The following CLMP variants were observed in gnomAD, a reference collection of about 807,000 sequenced individuals.
The protein encoded by CLMP is CXADR like cell adhesion molecule.
CLMP carries 27 observed loss-of-function variants against 45.2 expected under a neutral mutation model. The ratio of observed to expected loss-of-function variants is 0.60; its 90% CI spans 0.44 to 0.82. The LOEUF is 0.82. CLMP is among the 40% of genes least tolerant of loss of function. The pLI is 0.00. For synonymous variants in CLMP, 167 were observed against 171.4 expected (o/e 0.97, Z 0.20); for missense variants, 403 against 448.4 (o/e 0.90, Z 0.91).
At chr11:123,111,535 A>G (rs1348559751) in intron 1 of CLMP, among the ~76,000 whole-genome samples, 2 of 152,218 alleles carry the variant, frequency 1.3e-5, no homozygotes, top group Non-Finnish European at 2.9e-5. Flanking sequence ...GGCCCATCCA[A>G]CTACAGCATT....
intron 2 of CLMP, among the ~76,000 whole-genome samples, chr11:123,096,574 C>T (rs956381723): frequency 6.6e-6 from 1 of 152,054 alleles, no homozygotes; most frequent in African/African-American, 2.4e-5. Context: ...AAAGTGACCT[C>T]GCTCTACAGA....
At chr11:123,129,602 AAT>A (rs1035426319) in intron 1 of CLMP, among the ~76,000 whole-genome samples, 7 of 141,118 alleles carry the variant, frequency 5.0e-5, no homozygotes, top group South Asian at 2.1e-4. Context: ...TATAGTATAT[AAT>A]ATATATTATA....
intron 3 of CLMP, 26 bp from the exon 4 acceptor site, chr11:123,083,873 G>A (rs1159129005): frequency 6.2e-7 from 1 of 1,609,356 alleles, no homozygotes; most frequent in Non-Finnish European, 8.5e-7. Flanking sequence ...ACAAGCAAAA[G>A]TGTAGTGATT....
At chr11:123,148,417 A>G (rs1268769455) in intron 1 of CLMP, among the ~76,000 whole-genome samples, 2 of 152,242 alleles carry the variant, frequency 1.3e-5, no homozygotes, top group African/African-American at 4.8e-5. Flanking sequence ...GCATGCAAGA[A>G]TGTACCTGCC....
intron 2 of CLMP, among the ~76,000 whole-genome samples, chr11:123,089,778 AAAAAAAAAAAAAAAAG>A (rs1865906974): frequency 9.0e-6 from 1 of 111,352 alleles, no homozygotes; most frequent in South Asian, 3.5e-4. Context: ...CTCCATCTCA[AAAAAAAAAAAAAAAAG>A]AAAAAGAAAA....
chr11:123,139,946 G>T (rs4936778), intron 1 of CLMP, among the ~76,000 whole-genome samples: 53,067 of 152,092 alleles, frequency 0.35, 10,103 homozygotes, highest in African/African-American at 0.5. Flanking sequence ...GGTATTCAAC[G>T]GGCTGTCCCC....
chr11:123,089,954 T>C (rs1865910760), intron 2 of CLMP, among the ~76,000 whole-genome samples: 1 of 150,986 alleles, frequency 6.6e-6, no homozygotes, highest in Non-Finnish European at 1.5e-5. Flanking sequence ...CAAAATTAGC[T>C]GGGCGTGGTG....
At chr11:123,134,114 G>A (rs953145955) in intron 1 of CLMP, among the ~76,000 whole-genome samples, 13 of 151,824 alleles carry the variant, frequency 8.6e-5, no homozygotes, top group African/African-American at 2.7e-4. Flanking sequence ...ACAAAAATTC[G>A]CCAGGCGTGG....
In CLMP at chr11:123,185,876, AC is replaced by A. The variant is rs199958881; in HGVS notation, c.28+9036del. Among the ~76,000 whole-genome samples, 203 of 152,314 alleles carry A rather than the reference AC, an allele frequency of 1.3e-3. 1 individual carries two copies. The East Asian group carries it at 0.025, about 19-fold the overall frequency. The stretch of plus-strand genomic sequence containing the variant: ...TCCTTTCCTCCTATTTAAAAAGCAA[AC>A]ATAATTCAACACATCTTGTATTTGG... On this transcript the variant is annotated intron_variant, in intron 1 of 6. Transcript: ENST00000448775.
rs115161600 is a variant in CLMP, at chr11:123,174,735, C to A, written c.28+20178G>T. On this transcript the variant is annotated intron_variant, in intron 1 of 6. Coordinates refer to ENST00000448775, the MANE Select transcript of CLMP (RefSeq NM_024769.5). ...TCTTTTTTAAGGCCCCATGAATTTT[C>A]TTTAATCTAGAAATTAGGAAGCACT... Among the ~76,000 whole-genome samples, 635 of 152,260 alleles carry A rather than the reference C, an allele frequency of 4.2e-3. 3 individuals carry two copies. Among genetic ancestry groups the A allele is most frequent in the African/African-American group, 0.015 (612 of 41,544 alleles).
intron 1 of CLMP, among the ~76,000 whole-genome samples, chr11:123,171,491 T>C (rs1446943246): frequency 6.8e-6 from 1 of 146,684 alleles, no homozygotes; most frequent in Non-Finnish European, 1.5e-5. Flanking sequence ...TCACCCAGGC[T>C]GGAGTGCAGT....
chr11:123,075,447 C>T (rs1052554324), intron 5 of CLMP, among the ~76,000 whole-genome samples: 1 of 151,996 alleles, frequency 6.6e-6, no homozygotes, highest in Non-Finnish European at 1.5e-5. Context: ...AGTGCAGTGA[C>T]GCGATCTCGG....
At chr11:123,082,826 C>CA (rs1865821470) in intron 5 of CLMP, among the ~76,000 whole-genome samples, 1 of 151,760 alleles carries the variant, frequency 6.6e-6, no homozygotes, top group Non-Finnish European at 1.5e-5. Flanking sequence ...AGGCTGGTCT[C>CA]AAACTCCTGA....
At chr11:123,150,414 G>GGAAAGAAAGAAA in intron 1 of CLMP, among the ~76,000 whole-genome samples, 1 of 55,174 alleles carries the variant, frequency 1.8e-5, no homozygotes, top group African/African-American at 6.9e-5. Context: ...AAGGAAGGAA[G>GGAAAGAAAGAAA]GTAAGAAAGA....
In CLMP at chr11:123,106,888, T is replaced by C. The variant is rs552636298; in HGVS notation, c.29-8936A>G. Among the ~76,000 whole-genome samples the C allele has an allele frequency of 3.5e-3, 535 of 151,568 alleles. 14 individuals carry two copies. The East Asian group carries it at 0.089, about 25-fold the overall frequency. ...ACAAAAAATTAGCCCGGCGAGGTGG[T>C]GGGCGCCTGTAGTCCCAGCTACTCG... is the stretch of plus-strand genomic sequence containing the variant. On this transcript the variant is annotated intron_variant, in intron 1 of 6. Transcript: ENST00000448775.
rs1865834504 is a variant in CLMP at position 123,083,972 on chromosome 11, G to A, written c.389-125C>T. 15 of 1,048,086 alleles carry A rather than the reference G, an allele frequency of 1.4e-5. No individual in the cohort carries two copies. The South Asian group carries it at 2.2e-4, about 15-fold the overall frequency. The allele number at this position is 1,048,086 out of a possible 1,614,324, so 64.9% of individuals were successfully genotyped here. A position where few individuals can be genotyped will look rare whatever the true frequency, so the allele number is the denominator to read the frequency against. ...ATCTGTTTTGGTCAACTTTTGAGTG[G>A]GGATTCAACTAGCCTTGCTTTACAC... On this transcript the variant is annotated intron_variant, in intron 3 of 6. Coordinates refer to ENST00000448775, the MANE Select transcript of CLMP (RefSeq NM_024769.5).
intron 1 of CLMP, among the ~76,000 whole-genome samples, chr11:123,137,236 C>G (rs1271506874): frequency 6.9e-6 from 1 of 145,240 alleles, no homozygotes. Context: ...TCACTGCAAG[C>G]TCCGCCTCCC....
intron 1 of CLMP, among the ~76,000 whole-genome samples, chr11:123,124,555 C>T (rs1384944746): frequency 6.6e-6 from 1 of 152,204 alleles, no homozygotes; most frequent in Admixed American, 6.5e-5. Context: ...GATTTTGCCT[C>T]TGCAATAATC....
intron 1 of CLMP, among the ~76,000 whole-genome samples, chr11:123,187,076 G>T (rs781031532): frequency 1.3e-5 from 2 of 152,112 alleles, no homozygotes; most frequent in Non-Finnish European, 2.9e-5. Flanking sequence ...AAACTCTTAC[G>T]CATCACCTCA....
Sources: gnomAD v4.1 joint callset for allele counts (sites outside exome capture counted in the v4.1 genomes callset) on GRCh38, gnomAD v4.1.1 for gene constraint, MANE v1.5 for transcripts, NCBI Gene and HGNC (gene_info 2026-07-23, HGNC 2026-07-21) for gene names.